PRDM6: variants seen among roughly 807,000 people sequenced by gnomAD.
The protein encoded by PRDM6 is PR/SET domain 6, also known as putative histone-lysine N-methyltransferase PRDM6.
Under a neutral mutation model 60.8 loss-of-function variants are expected in PRDM6, and 25 were observed. The observed-to-expected ratio is 0.41, with a 90% CI of 0.30 to 0.57. The LOEUF (loss-of-function observed/expected upper bound fraction) is 0.57. Among genes scored for constraint, PRDM6 ranks in the 20% least tolerant of loss-of-function variants. The pLI is 0.27. For missense variants in PRDM6, 839 were observed against 821.3 expected, an observed-to-expected ratio of 1.02 and a Z score of -0.26; for synonymous variants, 407 against 357.4, an observed-to-expected ratio of 1.14 and a Z score of -1.57.
intron 5 of PRDM6, among the ~76,000 whole-genome samples, chr5:123,168,737 C>T (rs1765818308): frequency 6.6e-6 from 1 of 152,226 alleles, no homozygotes; most frequent in South Asian, 2.1e-4. Context: ...TCTTGCTTTA[C>T]TTTTCTTTCC....
chr5:123,090,733 T>A, intron 2 of PRDM6, 127 bp downstream of exon 2: 1 of 638,318 alleles, frequency 1.6e-6, no homozygotes, highest in Non-Finnish European at 2.5e-6. Context: ...GAGCACCTGG[T>A]CCTGGCCGCT....
intron 3 of PRDM6, among the ~76,000 whole-genome samples, chr5:123,130,759 G>T (rs1458061841): frequency 6.6e-6 from 1 of 151,998 alleles, no homozygotes; most frequent in East Asian, 1.9e-4. Context: ...TAGAGACAGG[G>T]TTTCTCCATG....
chr5:123,094,104 T>C (rs1377833714), intron 2 of PRDM6, among the ~76,000 whole-genome samples: 7 of 151,340 alleles, frequency 4.6e-5, no homozygotes, highest in Non-Finnish European at 3.0e-5. Flanking sequence ...TTTCCAAGGG[T>C]TTAGGGAGAG....
intron 3 of PRDM6, among the ~76,000 whole-genome samples, chr5:123,130,653 C>T (rs1452610914): frequency 1.3e-5 from 2 of 151,782 alleles, no homozygotes; most frequent in African/African-American, 4.8e-5. Flanking sequence ...CAACCTCCGC[C>T]TCCTGGGTTC....
At chr5:123,117,558 C>G (rs1374217775) in intron 3 of PRDM6, among the ~76,000 whole-genome samples, 1 of 152,216 alleles carries the variant, frequency 6.6e-6, no homozygotes, top group Non-Finnish European at 1.5e-5. Context: ...TGAGAAAGGA[C>G]TAGATAACCA....
At chr5:123,139,338 G>A (rs1387484917) in intron 3 of PRDM6, among the ~76,000 whole-genome samples, 3 of 152,088 alleles carry the variant, frequency 2.0e-5, no homozygotes, top group Non-Finnish European at 4.4e-5. Flanking sequence ...TAAACTGGCT[G>A]AAGTGAGCTT....
At chr5:123,102,470 A>G (rs1029816113) in intron 3 of PRDM6, among the ~76,000 whole-genome samples, 14 of 152,132 alleles carry the variant, frequency 9.2e-5, no homozygotes, top group African/African-American at 3.4e-4. Context: ...TAAAAAAATC[A>G]TCATATTATT....
intron 3 of PRDM6, among the ~76,000 whole-genome samples, chr5:123,141,761 A>G (rs1468892637): frequency 6.6e-6 from 1 of 152,094 alleles, no homozygotes; most frequent in Admixed American, 6.6e-5. Context: ...GGAAATTAAA[A>G]CCCACCAATA....
chr5:123,122,632 A>AT (rs34156187), intron 3 of PRDM6, among the ~76,000 whole-genome samples: 2 of 152,068 alleles, frequency 1.3e-5, no homozygotes, highest in East Asian at 1.9e-4. Flanking sequence ...TTTCATTGCA[A>AT]TTTTTTTATT....
intron 7 of PRDM6, among the ~76,000 whole-genome samples, chr5:123,185,306 C>T (rs530011855): frequency 6.6e-6 from 1 of 152,002 alleles, no homozygotes; most frequent in Non-Finnish European, 1.5e-5. Flanking sequence ...GATTCTAGAG[C>T]TTCAAGATAA....
At chr5:123,097,419 G>T (rs929743254) in intron 2 of PRDM6, among the ~76,000 whole-genome samples, 2 of 152,078 alleles carry the variant, frequency 1.3e-5, no homozygotes, top group Non-Finnish European at 2.9e-5. Flanking sequence ...CAGTCAGGCA[G>T]CCTTGACTGT....
In PRDM6 at chr5:123,189,474, G is replaced by A. The variant is rs891714406; in HGVS notation, c.*2273G>A. ...GAGAAGGCTTCCCTCCTCCCTTGAT[G>A]TCTGGCATGGGAAGGTTTTCCTTAA... On this transcript the variant is annotated 3_prime_UTR_variant, in exon 8 of 8. Coordinates refer to ENST00000407847, the MANE Select transcript of PRDM6 (RefSeq NM_001136239.4). 4.6e-5 allele frequency: 7 copies of A among 152,080 alleles called. No individual in the cohort carries two copies. Among genetic ancestry groups the A allele is most frequent in the Admixed American group, 1.3e-4 (2 of 15,274 alleles). The allele number at this position is 152,080 out of a possible 1,614,324, so 9.4% of individuals were successfully genotyped here.
rs559596984 is a variant in PRDM6, at chr5:123,159,220, A to G, written c.1029-294A>G. Among the ~76,000 whole-genome samples the G allele has an allele frequency of 9.2e-5, 14 of 152,194 alleles. No homozygotes were observed. In the East Asian group the frequency reaches 1.7e-3, roughly 19 times the overall value. On this transcript the variant is annotated intron_variant, in intron 4 of 7. Transcript: ENST00000407847. The stretch of plus-strand genomic sequence containing the variant: ...GAGGGAATTTTCTCATTAGTGTGAG[A>G]TGAAATTTTTTTAAAATTAATTCTT...
At chr5:123,123,314 C>T (rs775672431) in intron 3 of PRDM6, among the ~76,000 whole-genome samples, 3 of 152,184 alleles carry the variant, frequency 2.0e-5, no homozygotes, top group Non-Finnish European at 4.4e-5. Flanking sequence ...GCCCTTTTGA[C>T]TCTTGAGTGT....
At chr5:123,121,033 T>A (rs1764567934) in intron 3 of PRDM6, among the ~76,000 whole-genome samples, 1 of 152,242 alleles carries the variant, frequency 6.6e-6, no homozygotes, top group Non-Finnish European at 1.5e-5. Flanking sequence ...TGTGAGTTGA[T>A]GTTTATAAAT....
chr5:123,186,592 G>C (rs922089123), intron 7 of PRDM6, among the ~76,000 whole-genome samples: 6 of 152,316 alleles, frequency 3.9e-5, no homozygotes, highest in African/African-American at 1.4e-4. Flanking sequence ...GCCCCTCACA[G>C]TCACTGCAGT....
intron 3 of PRDM6, among the ~76,000 whole-genome samples, chr5:123,155,522 T>C (rs1765473678): frequency 6.6e-6 from 1 of 152,050 alleles, no homozygotes; most frequent in African/African-American, 2.4e-5. Context: ...AATGTGGATG[T>C]TCCAACAATG....
intron 6 of PRDM6, among the ~76,000 whole-genome samples, chr5:123,179,657 C>G (rs1489360848): frequency 6.6e-6 from 1 of 151,864 alleles, no homozygotes; most frequent in African/African-American, 2.4e-5. Flanking sequence ...ACAGTTTATC[C>G]TCAGTTTTCT....
At chr5:123,176,463 C>T (rs1239307535) in intron 6 of PRDM6, among the ~76,000 whole-genome samples, 3 of 152,162 alleles carry the variant, frequency 2.0e-5, no homozygotes, top group Admixed American at 6.5e-5. Flanking sequence ...GTAATCCCAG[C>T]ACTTTGGGAG....
Sources: gnomAD v4.1 joint callset for allele counts (sites outside exome capture counted in the v4.1 genomes callset) on GRCh38, gnomAD v4.1.1 for gene constraint, MANE v1.5 for transcripts, NCBI Gene and HGNC (gene_info 2026-07-23, HGNC 2026-07-21) for gene names.